The following CELF2 variants were observed in gnomAD, a reference collection of about 807,000 sequenced individuals.
The protein encoded by CELF2 is CUGBP Elav-like family member 2.
CELF2 carries 8 observed loss-of-function variants against 62.6 expected under a neutral mutation model. The observed-to-expected ratio is 0.13, with a 90% CI of 0.07 to 0.23. The LOEUF is 0.23. Ranked by LOEUF, CELF2 falls within the 10% of genes least tolerant of loss-of-function variation. The pLI is 1.00. For missense variants in CELF2, 333 were observed against 671.0 expected (o/e 0.50, Z 5.56); for synonymous variants, 258 against 250.0 (o/e 1.03, Z -0.30).
chr10:11,321,019 A>C lies in CELF2; in HGVS notation c.1097-170A>C. The C allele has an allele frequency of 7.5e-7, 1 of 1,336,864 alleles. No individual in the cohort carries two copies. The highest frequency in any genetic ancestry group is 1.0e-6 in the Non-Finnish European group (1 of 971,202). The allele number at this position is 1,336,864 out of a possible 1,614,324, so 82.8% of individuals were successfully genotyped here. A position where few individuals can be genotyped will look rare whatever the true frequency, so the allele number is the denominator to read the frequency against. On this transcript the variant is annotated intron_variant, in intron 10 of 12. Coordinates refer to ENST00000633077, the MANE Select transcript of CELF2 (RefSeq NM_001326342.2). The surrounding 1 kb of genome is among the most constrained non-coding windows in gnomAD (Gnocchi z 6.2). ...ATGGCTTAGGTCATTTTCCCCCATT[A>C]TCACGATTTATTTCTTCATGGTTTC...
At position 11,247,621 on chromosome 10, in the gene CELF2, T is replaced by C. The variant is rs1220354650; in HGVS notation, c.355-1532T>C. On this transcript the variant is annotated intron_variant, in intron 3 of 12. Transcript: ENST00000633077. The surrounding 1 kb of genome is among the most constrained non-coding windows in gnomAD (Gnocchi z 5.4). ...CATCCCATGCCCGCCATCCCACCCC[T>C]GCCACACTGAGCACCTGAAGGGAGG... 9.8e-6 allele frequency among the ~76,000 whole-genome samples: 1 copy of C among 101,638 alleles called. No homozygotes were observed. The highest frequency in any genetic ancestry group is 3.8e-5 in the African/African-American group (1 of 26,120). The allele number at this position is 101,638 out of a possible 152,430, so 66.7% of individuals were successfully genotyped here. A position where few individuals can be genotyped will look rare whatever the true frequency, so the allele number is the denominator to read the frequency against.
At chr10:10,598,988 G>A in the CELF2 span, among the ~76,000 whole-genome samples, 1 of 151,664 alleles carries the variant, frequency 6.6e-6, no homozygotes, top group South Asian at 2.1e-4. Context: ...CTGACCTCAG[G>A]TGATCCACCC....
intron 2 of CELF2, among the ~76,000 whole-genome samples, chr10:10,987,934 T>C (rs1024633167): frequency 2.1e-5 from 3 of 145,930 alleles, no homozygotes; most frequent in African/African-American, 8.5e-5. Context: ...CCTGCAAGAA[T>C]GGCCGTAATT....
At chr10:10,839,971 T>C (rs2058570873) in intron 1 of CELF2, among the ~76,000 whole-genome samples, 1 of 152,268 alleles carries the variant, frequency 6.6e-6, no homozygotes, top group African/African-American at 2.4e-5. Context: ...ACATAGTATG[T>C]AGCCTTTTTA....
rs115541791 is a variant in CELF2 at position 11,227,310 on chromosome 10, G to T, written c.354+9803G>T. ...CTAAGCTTCTGAATCTGCTGCTGCC[G>T]ACAAGGGACCAGACTCACCACCACA... is the stretch of plus-strand genomic sequence containing the variant. On this transcript the variant is annotated intron_variant, in intron 3 of 12. Transcript: ENST00000633077. This position sits in a 1 kb window ranked among gnomAD's most constrained non-coding sequence, Gnocchi z 4.8. 1.2e-4 allele frequency among the ~76,000 whole-genome samples: 18 copies of T among 152,180 alleles called. No individual in the cohort carries two copies. Among genetic ancestry groups the T allele is most frequent in the Non-Finnish European group, 2.4e-4 (16 of 68,038 alleles).
chr10:11,019,404 A>C (rs2057926777), intron 1 of CELF2, among the ~76,000 whole-genome samples: 1 of 152,154 alleles, frequency 6.6e-6, no homozygotes, highest in Non-Finnish European at 1.5e-5. Context: ...TAACATCCCT[A>C]TTCTGTCTGG....
chr10:11,179,695 A>G (rs1035286873), intron 2 of CELF2, among the ~76,000 whole-genome samples: 4 of 152,142 alleles, frequency 2.6e-5, no homozygotes, highest in Admixed American at 6.5e-5. Context: ...ACATGAGGGT[A>G]TGTGTGTGCG....
chr10:11,277,053 C>A (rs776630040), intron 8 of CELF2, among the ~76,000 whole-genome samples: 49 of 152,336 alleles, frequency 3.2e-4, no homozygotes, highest in Non-Finnish European at 5.1e-4. Context: ...TCCCTACCAT[C>A]ATCTGGAGTA....
chr10:11,283,408 A>T (rs2089700409), intron 8 of CELF2, among the ~76,000 whole-genome samples: 1 of 152,240 alleles, frequency 6.6e-6, no homozygotes, highest in Non-Finnish European at 1.5e-5. Context: ...CACAGGGTCT[A>T]GCCCATCATG....
intron 1 of CELF2, among the ~76,000 whole-genome samples, chr10:10,850,927 T>A (rs1422908104): frequency 6.6e-6 from 1 of 152,196 alleles, no homozygotes; most frequent in Non-Finnish European, 1.5e-5. Flanking sequence ...TGCCTCATCC[T>A]CCTGAGTAGC....
upstream of CELF2, among the ~76,000 whole-genome samples, chr10:11,004,037 C>T (rs2054796849): frequency 6.6e-6 from 1 of 152,136 alleles, no homozygotes; most frequent in Non-Finnish European, 1.5e-5. This position sits in a 1 kb window ranked among gnomAD's most constrained non-coding sequence, Gnocchi z 5.0. Flanking sequence ...ACCTTCGTCT[C>T]CCCCTGCCCA....
chr10:11,044,225 C>T (rs765366546), intron 1 of CELF2, among the ~76,000 whole-genome samples: 2 of 152,124 alleles, frequency 1.3e-5, no homozygotes, highest in Non-Finnish European at 2.9e-5. Flanking sequence ...TATTTATTTG[C>T]TTTTGTGTTG....
Position 10,947,523 on chromosome 10 carries a change from G to A in CELF2, c.89+27524G>A, listed in dbSNP as rs892863287. On this transcript the variant is annotated intron_variant, in intron 2 of 13. Transcript: ENST00000636488. The surrounding 1 kb of genome is among the most constrained non-coding windows in gnomAD (Gnocchi z 4.1). ...GGTGATGGTCAGATTAACATTCCCC[G>A]AATTTGTTGATTATTTCGTGTTGTG... 4 of 152,582 alleles carry A rather than the reference G, an allele frequency of 2.6e-5. No homozygotes were observed. Among genetic ancestry groups the A allele is most frequent in the Non-Finnish European group, 5.9e-5 (4 of 68,034 alleles). The allele number at this position is 152,582 out of a possible 1,614,324, so 9.5% of individuals were successfully genotyped here.
Position 11,325,524 on chromosome 10 carries a change from C to T in CELF2, c.1295-312C>T, listed in dbSNP as rs150131978. ...AACCCATGCCAAGATTATCTGTCCC[C>T]ATTCTGCCCACTGTCACCTTCAGCC... is the stretch of plus-strand genomic sequence containing the variant. On this transcript the variant is annotated intron_variant, in intron 11 of 12. Transcript: ENST00000633077. Among the ~76,000 whole-genome samples the T allele has an allele frequency of 9.3e-4, 142 of 152,368 alleles. 2 individuals are homozygous for T. Among genetic ancestry groups the T allele is most frequent in the Middle Eastern group, 3.4e-3 (1 of 294 alleles).
chr10:10,522,408 C>T, the CELF2 span, among the ~76,000 whole-genome samples: 48 of 152,264 alleles, frequency 3.2e-4, no homozygotes, highest in African/African-American at 1.1e-3. Flanking sequence ...GAAATGTGCA[C>T]GAACATGGAT....
Position 10,852,237 on chromosome 10 carries a change from C to T in CELF2, c.53+53420C>T, listed in dbSNP as rs566507330. On this transcript the variant is annotated intron_variant, in intron 1 of 13. Coordinates refer to the CELF2 transcript ENST00000636488. ...GGATGATTACACCAATGTGATACAT[C>T]CATACAATGGACAACTACTCAGCAA... 3.9e-5 allele frequency among the ~76,000 whole-genome samples: 6 copies of T among 152,286 alleles called. No homozygotes were observed. The East Asian group carries it at 1.2e-3, about 29-fold the overall frequency.
At chr10:11,199,783 C>CA (rs1222470932) in intron 2 of CELF2, among the ~76,000 whole-genome samples, 2 of 152,348 alleles carry the variant, frequency 1.3e-5, no homozygotes, top group Admixed American at 1.3e-4. Context: ...TCTAAAGCAG[C>CA]AGCAGGGCTG....
chr10:10,796,767 T>G (rs1250034849), upstream of CELF2: 4 of 364,764 alleles, frequency 1.1e-5, no homozygotes, highest in Non-Finnish European at 1.5e-5. Context: ...ATCACCCACA[T>G]TTGGTGAAGT....
At chr10:10,848,555 A>G (rs1294590225) in intron 1 of CELF2, among the ~76,000 whole-genome samples, 3 of 152,236 alleles carry the variant, frequency 2.0e-5, no homozygotes, top group South Asian at 2.1e-4. Flanking sequence ...AGAGCCACCC[A>G]TAACAGAAGG....
Sources: gnomAD v4.1 joint callset for allele counts (sites outside exome capture counted in the v4.1 genomes callset) on GRCh38, gnomAD v4.1.1 for gene constraint, Gnocchi (gnomAD v3.1) non-coding constraint, MANE v1.5 for transcripts, NCBI Gene and HGNC (gene_info 2026-07-23, HGNC 2026-07-21) for gene names.